CAMK2B: variants seen among roughly 807,000 people sequenced by gnomAD.
CAMK2B encodes calcium/calmodulin-dependent protein kinase type II subunit beta.
CAMK2B carries 27 observed loss-of-function variants against 93.7 expected under a neutral mutation model. The observed-to-expected ratio is 0.29, with a 90% CI of 0.21 to 0.40. CAMK2B has a LOEUF of 0.40. Ranked by LOEUF, CAMK2B falls within the 10% of genes least tolerant of loss-of-function variation. The probability of loss-of-function intolerance (pLI) is 1.00; values close to 1 mark genes in which losing one functional copy is unlikely to be tolerated. For synonymous variants in CAMK2B, 374 were observed against 358.8 expected (o/e 1.04, Z -0.48); for missense variants, 568 against 895.8 (o/e 0.63, Z 4.67).
At chr7:44,251,062 C>T (rs561428781) in intron 5 of CAMK2B, among the ~76,000 whole-genome samples, 17 of 152,322 alleles carry the variant, frequency 1.1e-4, no homozygotes, top group African/African-American at 4.1e-4. Context: ...AATCTGTGAG[C>T]TGCTCCACGG....
chr7:44,313,665 C>T (rs1794134737), intron 1 of CAMK2B, among the ~76,000 whole-genome samples: 1 of 149,782 alleles, frequency 6.7e-6, no homozygotes. Context: ...TGGAAAGGGT[C>T]ACCCAATGTG....
intron 15 of CAMK2B, 45 bp from the exon 16 acceptor site, chr7:44,232,911 G>C (rs1412619612): frequency 6.4e-7 from 1 of 1,571,416 alleles, no homozygotes; most frequent in African/African-American, 1.4e-5. Context: ...GAGGGAAAGT[G>C]AGAAGAGGAG....
At chr7:44,313,944 G>T (rs1380625522) in intron 1 of CAMK2B, among the ~76,000 whole-genome samples, 1 of 151,870 alleles carries the variant, frequency 6.6e-6, no homozygotes, top group African/African-American at 2.4e-5. Flanking sequence ...AAAGAAGGTG[G>T]CCTGGCCAAA....
In CAMK2B at chr7:44,228,822, G is replaced by T; in HGVS notation, c.1442C>A (p.Ala481Asp). The T allele has an allele frequency of 6.5e-7, 1 of 1,536,838 alleles. No individual in the cohort carries two copies. Among genetic ancestry groups the T allele is most frequent in the East Asian group, 2.3e-5 (1 of 43,398 alleles). The change falls in exon 19 of 24, where the codon GCT (alanine) becomes GAT (aspartate). Residue 481 changes from alanine (A) to aspartate (D), a missense_variant. Physicochemically the swap from Ala to Asp is moderately radical, Grantham distance 126. Around this residue, in one of 4 missense-constraint regions of CAMK2B, gnomAD observed 308 missense variants for 292.1 expected, o/e 1.05. Transcript: ENST00000395749. ...CGGGGAGGACAGGGGGCCTAGGAGA[G>T]CCGGAGACAGGCAGGGCGGGGGCCC... ...SAGPPPCLSP[A>D]LLGPLSSPSP... is the part of the protein sequence containing the mutation.
chr7:44,282,718 G>A (rs1051688670), intron 2 of CAMK2B, among the ~76,000 whole-genome samples: 11 of 152,364 alleles, frequency 7.2e-5, no homozygotes, highest in Non-Finnish European at 1.2e-4. Context: ...CCGACACATC[G>A]CTCCACAAAT....
intron 5 of CAMK2B, 87 bp from the exon 6 acceptor site, chr7:44,247,279 G>T: frequency 9.1e-7 from 1 of 1,099,302 alleles, no homozygotes; most frequent in Non-Finnish European, 1.4e-6. Context: ...GGTGCTGTGT[G>T]GCCTGGGGGG....
intron 2 of CAMK2B, among the ~76,000 whole-genome samples, 195 bp downstream of exon 2, chr7:44,283,936 C>T: frequency 6.6e-6 from 1 of 152,268 alleles, no homozygotes; most frequent in African/African-American, 2.4e-5. Flanking sequence ...CTCAAGTCCC[C>T]AACACTCCTG....
In CAMK2B at chr7:44,284,230, G is replaced by A; in HGVS notation, c.66-5C>T. On this transcript the variant is annotated splice_region_variant and splice_polypyrimidine_tract_variant and intron_variant, in intron 1 of 23. Coordinates refer to ENST00000395749, the MANE Select transcript of CAMK2B (RefSeq NM_001220.5). ...CGGACCACAGAGAAAGCCCCCCTGG[G>A]GAGGAAAATGGGGGAGCGAGAGACA... is the stretch of plus-strand genomic sequence containing the variant. 6.2e-7 allele frequency: 1 copy of A among 1,602,298 alleles called. No homozygotes were observed. The highest frequency in any genetic ancestry group is 8.5e-7 in the Non-Finnish European group (1 of 1,170,400).
In CAMK2B at chr7:44,275,442, G is replaced by A. The variant is rs548437301; in HGVS notation, c.160+8689C>T. On this transcript the variant is annotated intron_variant, in intron 2 of 23. Coordinates refer to ENST00000395749, the MANE Select transcript of CAMK2B (RefSeq NM_001220.5). Reference sequence around the variant, plus strand: ...TGTTCTCCTGGTCCTCTTCAGGGCCGCTTTCTAGAAGCCTTCGATTAAACC... The same window carrying A: ...TGTTCTCCTGGTCCTCTTCAGGGCCACTTTCTAGAAGCCTTCGATTAAACC... Among the ~76,000 whole-genome samples, 9 of 152,354 alleles carry A rather than the reference G, an allele frequency of 5.9e-5. No individual in the cohort carries two copies. The South Asian group carries it at 1.9e-3, about 32-fold the overall frequency.
intron 12 of CAMK2B, among the ~76,000 whole-genome samples, chr7:44,240,307 C>T (rs995197422): frequency 1.3e-5 from 2 of 152,206 alleles, no homozygotes; most frequent in Admixed American, 6.5e-5. Flanking sequence ...CCGAGCCTCC[C>T]GCATCACCCC....
chr7:44,264,771 T>C (rs1299428051), intron 2 of CAMK2B, among the ~76,000 whole-genome samples: 1 of 152,172 alleles, frequency 6.6e-6, no homozygotes, highest in Non-Finnish European at 1.5e-5. Flanking sequence ...GCCTCAGGGA[T>C]TTGTGATGGC....
Position 44,227,769 on chromosome 7 carries a change from GA to G in CAMK2B, c.1468+1026del, listed in dbSNP as rs1231764215. Among the ~76,000 whole-genome samples the G allele has an allele frequency of 5.8e-4, 16 of 27,820 alleles. 3 individuals carry two copies. The highest frequency in any genetic ancestry group is 1.6e-3 in the African/African-American group (10 of 6,212). The allele number at this position is 27,820 out of a possible 152,430, so 18.3% of individuals were successfully genotyped here. Reference sequence around the variant, plus strand: ...CAGAGGAGGGTGTGGGGGACAGAGGGAGAGTCTGGGGGACAGAGGAGGGTGT... The same window carrying G: ...CAGAGGAGGGTGTGGGGGACAGAGGGGAGTCTGGGGGACAGAGGAGGGTGT... On this transcript the variant is annotated intron_variant, in intron 19 of 23. Coordinates refer to ENST00000395749, the MANE Select transcript of CAMK2B (RefSeq NM_001220.5).
intron 4 of CAMK2B, among the ~76,000 whole-genome samples, chr7:44,256,901 C>T (rs1195775542): frequency 6.6e-6 from 1 of 152,208 alleles, no homozygotes; most frequent in African/African-American, 2.4e-5. Context: ...ACGTTGGTTG[C>T]TGTGGGGAGT....
chr7:44,322,946 C>T (rs11772021), intron 1 of CAMK2B, among the ~76,000 whole-genome samples: 17,772 of 152,226 alleles, frequency 0.12, 1,444 homozygotes, highest in Non-Finnish European at 0.17. Flanking sequence ...ACCAACTGTG[C>T]CCTGGGCAGG....
intron 2 of CAMK2B, among the ~76,000 whole-genome samples, chr7:44,277,772 A>G (rs1331064068): frequency 6.7e-6 from 1 of 150,338 alleles, no homozygotes; most frequent in Non-Finnish European, 1.5e-5. Flanking sequence ...GCAGGGGGGA[A>G]GGCCATTGCT....
chr7:44,293,848 T>C (rs1401187301), intron 1 of CAMK2B, among the ~76,000 whole-genome samples: 2 of 152,100 alleles, frequency 1.3e-5, no homozygotes, highest in African/African-American at 2.4e-5. Context: ...CCCAGCTGTA[T>C]AGGATAGGAG....
chr7:44,255,811 G>A (rs751938923), intron 4 of CAMK2B, among the ~76,000 whole-genome samples: 22 of 152,184 alleles, frequency 1.4e-4, no homozygotes, highest in Admixed American at 3.3e-4. Flanking sequence ...AAAAAGAAAA[G>A]TGAGCATGTG....
Position 44,325,341 on chromosome 7 carries a change from G to A in CAMK2B, c.65+16C>T, listed in dbSNP as rs769484190. On this transcript the variant is annotated intron_variant, in intron 1 of 23. Coordinates refer to ENST00000395749, the MANE Select transcript of CAMK2B (RefSeq NM_001220.5). ...CTGGGGTCCCCGGCCCAGCCCGCGC[G>A]CGCCGCTGCTCTTACTTGCCAATAT... The A allele has an allele frequency of 5.7e-6, 7 of 1,232,630 alleles. No homozygotes were observed. In the South Asian group the frequency reaches 1.1e-4, roughly 20 times the overall value. 76.4% of individuals were successfully genotyped at this position (1,232,630 alleles called of 1,614,324 possible). A position where few individuals can be genotyped will look rare whatever the true frequency, so the allele number is the denominator to read the frequency against.
rs750201545 is a variant in CAMK2B, at chr7:44,232,845, G to A, written c.1153C>T (p.His385Tyr). 6.2e-7 allele frequency: 1 copy of A among 1,614,080 alleles called. No homozygotes were observed. The highest frequency in any genetic ancestry group is 1.3e-5 in the African/African-American group (1 of 75,042). ...AALEPQTTVI[H>Y]NPVDGIKESS... ...ACCTTAATCCCGTCCACTGGGTTAT[G>A]GATGACGGTGGTTTGAGGCTCCTAC... is the stretch of plus-strand genomic sequence containing the variant. Residue 385 changes from histidine to tyrosine, a missense_variant, in exon 16 of 24, where the codon CAT becomes TAT. Physicochemically the swap from His to Tyr is moderately conservative, Grantham distance 83. Around this residue, in one of 4 missense-constraint regions of CAMK2B, gnomAD observed 308 missense variants for 292.1 expected, o/e 1.05. Transcript: ENST00000395749.
Sources: gnomAD v4.1 joint callset for allele counts (sites outside exome capture counted in the v4.1 genomes callset) on GRCh38, gnomAD v4.1.1 for gene constraint, gnomAD v4.1.1 regional missense constraint, MANE v1.5 for transcripts, NCBI Gene and HGNC (gene_info 2026-07-23, HGNC 2026-07-21) for gene names.